Variants in NEK11 observed in about 807,000 individuals in gnomAD.
NEK11 encodes the protein NIMA related kinase 11, also known as serine/threonine-protein kinase Nek11.
Under a neutral mutation model 80.7 loss-of-function variants are expected in NEK11, and 72 were observed. The observed-to-expected ratio is 0.89, with a 90% CI of 0.74 to 1.08. The LOEUF is 1.08. NEK11 is among the 50% of genes least tolerant of loss of function. The pLI, the probability that NEK11 is intolerant of heterozygous loss-of-function variation, is 0.00. For missense variants in NEK11, 764 were observed against 763.6 expected, an observed-to-expected ratio of 1.00 and a Z score of -0.01; for synonymous variants, 251 against 260.7, an observed-to-expected ratio of 0.96 and a Z score of 0.36.
intron 10 of NEK11, among the ~76,000 whole-genome samples, chr3:131,159,598 T>A (rs1381219153): frequency 6.6e-6 from 1 of 152,134 alleles, no homozygotes; most frequent in African/African-American, 2.4e-5. Context: ...AAACCCCATC[T>A]CTACAAAAAT....
At chr3:131,231,044 A>G (rs1475731183) in intron 15 of NEK11, among the ~76,000 whole-genome samples, 1 of 152,072 alleles carries the variant, frequency 6.6e-6, no homozygotes, top group Non-Finnish European at 1.5e-5. Context: ...GCCATGTGGA[A>G]CTGTGAGTCC....
chr3:131,333,938 T>C (rs901440992), intron 17 of NEK11, among the ~76,000 whole-genome samples: 1 of 152,080 alleles, frequency 6.6e-6, no homozygotes, highest in Non-Finnish European at 1.5e-5. Flanking sequence ...TGTATATGCA[T>C]CCAATACAGG....
At chr3:131,074,526 TATATA>T (rs1174378731) in intron 3 of NEK11, among the ~76,000 whole-genome samples, 1 of 152,118 alleles carries the variant, frequency 6.6e-6, no homozygotes, top group South Asian at 2.1e-4. Context: ...AATATTGTAA[TATATA>T]ATATAATGTA....
intron 16 of NEK11, among the ~76,000 whole-genome samples, chr3:131,273,239 A>G (rs1004560185): frequency 6.6e-6 from 1 of 152,212 alleles, no homozygotes; most frequent in Non-Finnish European, 1.5e-5. Flanking sequence ...TGTTTAAACA[A>G]TCCTTTGTGA....
At chr3:131,047,784 G>A (rs1195152997) in intron 3 of NEK11, among the ~76,000 whole-genome samples, 2 of 152,204 alleles carry the variant, frequency 1.3e-5, no homozygotes, top group Admixed American at 1.3e-4. Flanking sequence ...TTTCAAGAGA[G>A]CATCAGCTGT....
intron 17 of NEK11, among the ~76,000 whole-genome samples, chr3:131,343,424 T>C (rs992202129): frequency 7.9e-5 from 12 of 152,130 alleles, no homozygotes; most frequent in Admixed American, 7.9e-4. Flanking sequence ...GCAGTTTGAA[T>C]ACTGGGAAAA....
At chr3:131,183,633 G>A (rs139054142) in intron 14 of NEK11, among the ~76,000 whole-genome samples, 33 of 152,304 alleles carry the variant, frequency 2.2e-4, no homozygotes, top group African/African-American at 7.7e-4. Context: ...TTTTATGGCT[G>A]CATAGTATTC....
At chr3:131,211,623 G>C (rs1580265380) in intron 14 of NEK11, among the ~76,000 whole-genome samples, 2 of 152,106 alleles carry the variant, frequency 1.3e-5, no homozygotes, top group South Asian at 4.2e-4. Flanking sequence ...CATAGATTTG[G>C]TCTTTTCACA....
chr3:131,106,264 T>C (rs2079161334), intron 4 of NEK11, among the ~76,000 whole-genome samples: 1 of 150,388 alleles, frequency 6.6e-6, no homozygotes, highest in South Asian at 2.1e-4. Flanking sequence ...GGAAACAAAT[T>C]TTTATTTCTA....
At chr3:131,132,892 C>T (rs138945225) in intron 6 of NEK11, 83 bp downstream of exon 6, 211 of 625,348 alleles carry the variant, frequency 3.4e-4, no homozygotes, top group African/African-American at 2.1e-3. Flanking sequence ...GTAAATGGTA[C>T]GTGGAAGTAT....
At chr3:131,073,064 G>A (rs139202788) in intron 3 of NEK11, among the ~76,000 whole-genome samples, 3 of 152,228 alleles carry the variant, frequency 2.0e-5, no homozygotes, top group Admixed American at 2.0e-4. Flanking sequence ...AGCCCTCTAG[G>A]GAAATGCAGG....
chr3:131,066,766 T>A (rs2072061526), intron 3 of NEK11, among the ~76,000 whole-genome samples: 1 of 147,896 alleles, frequency 6.8e-6, no homozygotes, highest in South Asian at 2.1e-4. Flanking sequence ...CACTTGAACT[T>A]GGGAGGCGGA....
intron 3 of NEK11, chr3:131,072,281 C>T (rs569719361): frequency 1.1e-4 from 16 of 152,320 alleles, no homozygotes; most frequent in Admixed American, 7.2e-4. Flanking sequence ...ATGGCTCCAG[C>T]TGGCTGCCAT....
chr3:131,245,762 T>C (rs2095592231), intron 16 of NEK11, among the ~76,000 whole-genome samples: 2 of 152,246 alleles, frequency 1.3e-5, no homozygotes, highest in Non-Finnish European at 2.9e-5. Flanking sequence ...TGTCTGTTCA[T>C]GCATGTCTTT....
At chr3:131,180,997 T>C (rs767422376) in intron 14 of NEK11, among the ~76,000 whole-genome samples, 29 of 152,160 alleles carry the variant, frequency 1.9e-4, no homozygotes, top group Non-Finnish European at 3.1e-4. Flanking sequence ...AAAGTTACTA[T>C]TGTAGGAAGA....
chr3:131,204,997 T>C (rs1033897242), intron 14 of NEK11, among the ~76,000 whole-genome samples: 20 of 152,206 alleles, frequency 1.3e-4, no homozygotes, highest in African/African-American at 4.8e-4. Context: ...ATAGACACCA[T>C]GGCTGAGCAA....
intron 17 of NEK11, among the ~76,000 whole-genome samples, chr3:131,275,335 G>C (rs188091432): frequency 6.6e-5 from 10 of 152,178 alleles, no homozygotes; most frequent in African/African-American, 2.4e-4. Flanking sequence ...TTTGATCTAA[G>C]ACTTCATTAC....
chr3:131,202,583 T>C (rs1431025160), intron 14 of NEK11, among the ~76,000 whole-genome samples: 2 of 152,036 alleles, frequency 1.3e-5, no homozygotes, highest in South Asian at 4.2e-4. Context: ...AAATGGGATC[T>C]AATTAAACTA....
At chr3:131,249,082 C>T (rs1295775673) in intron 16 of NEK11, among the ~76,000 whole-genome samples, 1 of 150,710 alleles carries the variant, frequency 6.6e-6, no homozygotes, top group African/African-American at 2.4e-5. Context: ...GCTTGAAGTC[C>T]CACTAACATG....
Sources: gnomAD v4.1 joint callset for allele counts (sites outside exome capture counted in the v4.1 genomes callset) on GRCh38, gnomAD v4.1.1 for gene constraint, MANE v1.5 for transcripts, NCBI Gene and HGNC (gene_info 2026-07-23, HGNC 2026-07-21) for gene names.